SSBP2: variants seen among roughly 807,000 people sequenced by gnomAD.
SSBP2 encodes single stranded DNA binding protein 2.
In SSBP2, 17 loss-of-function variants were observed where a neutral mutation model predicts 61.8. The ratio of observed to expected loss-of-function variants is 0.28; its 90% CI spans 0.19 to 0.41. The LOEUF (loss-of-function observed/expected upper bound fraction) is 0.41. Ranked by LOEUF, SSBP2 falls within the 10% of genes least tolerant of loss-of-function variation. SSBP2 has a pLI of 1.00. For missense variants in SSBP2, 310 were observed against 458.7 expected (o/e 0.68, Z 2.96); for synonymous variants, 139 against 141.3 (o/e 0.98, Z 0.12).
chr5:81,677,962 A>G (rs1193659140), intron 1 of SSBP2, among the ~76,000 whole-genome samples: 2 of 152,156 alleles, frequency 1.3e-5, no homozygotes, highest in Admixed American at 6.6e-5. Flanking sequence ...CTAAAGGCCT[A>G]TTTACAGCAA....
intron 6 of SSBP2, among the ~76,000 whole-genome samples, chr5:81,488,704 T>TC (rs1374602843): frequency 1.7e-5 from 1 of 58,560 alleles, no homozygotes; most frequent in Non-Finnish European, 3.3e-5. Flanking sequence ...CCCTCCCCCC[T>TC]CCCCCCACCC....
chr5:81,703,355 G>A (rs932107029), intron 1 of SSBP2, among the ~76,000 whole-genome samples: 26 of 152,050 alleles, frequency 1.7e-4, no homozygotes, highest in African/African-American at 4.8e-4. Context: ...CAGAGCTCAG[G>A]CAGCCTGAGC....
chr5:81,645,912 G>C (rs1334979526), intron 2 of SSBP2, among the ~76,000 whole-genome samples: 2 of 152,098 alleles, frequency 1.3e-5, no homozygotes, highest in Non-Finnish European at 2.9e-5. Context: ...TTAGAGAAAT[G>C]TTTTTATTTC....
intron 1 of SSBP2, among the ~76,000 whole-genome samples, chr5:81,702,025 T>C (rs910822238): frequency 6.6e-6 from 1 of 152,194 alleles, no homozygotes; most frequent in African/African-American, 2.4e-5. Context: ...CAAAGTTATA[T>C]GGGACTAATA....
chr5:81,622,882 C>A (rs1027268877), intron 3 of SSBP2, among the ~76,000 whole-genome samples: 1 of 152,134 alleles, frequency 6.6e-6, no homozygotes, highest in East Asian at 1.9e-4. Flanking sequence ...CGGGGAAAAA[C>A]GTGAAAAACT....
chr5:81,665,729 T>C (rs547686879), intron 1 of SSBP2, among the ~76,000 whole-genome samples: 2 of 152,310 alleles, frequency 1.3e-5, no homozygotes, highest in Admixed American at 6.5e-5. Context: ...GGTCTTGAAC[T>C]CCTGACCTCA....
At chr5:81,451,293 T>C (rs1469408558) in intron 10 of SSBP2, among the ~76,000 whole-genome samples, 1 of 152,190 alleles carries the variant, frequency 6.6e-6, no homozygotes, top group Non-Finnish European at 1.5e-5. Flanking sequence ...CAACATTCTA[T>C]TATTTATAGA....
At chr5:81,562,462 T>C (rs1773122678) in intron 4 of SSBP2, among the ~76,000 whole-genome samples, 1 of 152,170 alleles carries the variant, frequency 6.6e-6, no homozygotes, top group Non-Finnish European at 1.5e-5. Flanking sequence ...TGCCAAATTA[T>C]TGACACTAAA....
intron 10 of SSBP2, among the ~76,000 whole-genome samples, chr5:81,457,665 A>AT (rs916075724): frequency 3.2e-4 from 47 of 146,658 alleles, no homozygotes; most frequent in Middle Eastern, 3.5e-3. Flanking sequence ...AAAACACAAA[A>AT]TTTTTTTTTT....
chr5:81,738,531 A>C (rs1756778179), intron 1 of SSBP2, among the ~76,000 whole-genome samples: 1 of 152,178 alleles, frequency 6.6e-6, no homozygotes, highest in Non-Finnish European at 1.5e-5. Context: ...GCTAGGTCTT[A>C]ATGGCATCTC....
chr5:81,455,309 C>T (rs1201928489), intron 10 of SSBP2, among the ~76,000 whole-genome samples: 1 of 152,126 alleles, frequency 6.6e-6, no homozygotes, highest in South Asian at 2.1e-4. Flanking sequence ...AAACTCTTAC[C>T]TTCTCTTTAT....
intron 4 of SSBP2, among the ~76,000 whole-genome samples, chr5:81,612,998 T>A (rs529928029): frequency 6.6e-6 from 1 of 152,204 alleles, no homozygotes; most frequent in African/African-American, 2.4e-5. Flanking sequence ...GGAAATCCTA[T>A]TCATGAAAAT....
chr5:81,741,487 T>C (rs1757021764), intron 1 of SSBP2, among the ~76,000 whole-genome samples: 1 of 152,312 alleles, frequency 6.6e-6, no homozygotes, highest in Admixed American at 6.5e-5. Flanking sequence ...TGGTAAATTT[T>C]AGGTTATATA....
chr5:81,435,380 C>G (rs1051801550), intron 15 of SSBP2, among the ~76,000 whole-genome samples: 1 of 152,090 alleles, frequency 6.6e-6, no homozygotes, highest in Admixed American at 6.6e-5. Flanking sequence ...GGACAGAGAT[C>G]GTGTTTGTTG....
At chr5:81,431,615 G>A (rs1011563311) in intron 15 of SSBP2, among the ~76,000 whole-genome samples, 1 of 151,494 alleles carries the variant, frequency 6.6e-6, no homozygotes, top group Non-Finnish European at 1.5e-5. Flanking sequence ...TTGAGACATG[G>A]TATCTGTCAC....
chr5:81,614,874 TA>T (rs957061394), intron 4 of SSBP2, among the ~76,000 whole-genome samples: 19 of 150,746 alleles, frequency 1.3e-4, no homozygotes, highest in South Asian at 4.2e-4. Context: ...GCAGTCCTTC[TA>T]AAAAAAAATG....
chr5:81,493,300 A>AGATT (rs1554074703), intron 5 of SSBP2, among the ~76,000 whole-genome samples: 24 of 144,736 alleles, frequency 1.7e-4, no homozygotes, highest in South Asian at 6.6e-4. Flanking sequence ...ATAGATAGAT[A>AGATT]GATTAACAGG....
chr5:81,574,038 G>A (rs1774025609), intron 4 of SSBP2, among the ~76,000 whole-genome samples: 1 of 152,152 alleles, frequency 6.6e-6, no homozygotes. Context: ...CTACTCGGGA[G>A]GCTGAGGCAG....
intron 13 of SSBP2, among the ~76,000 whole-genome samples, chr5:81,441,837 T>C (rs1189911205): frequency 3.3e-5 from 5 of 152,330 alleles, no homozygotes; most frequent in Non-Finnish European, 1.5e-5. Context: ...AATAATTGAC[T>C]TTAAACTTAC....
Sources: gnomAD v4.1 joint callset for allele counts (sites outside exome capture counted in the v4.1 genomes callset) on GRCh38, gnomAD v4.1.1 for gene constraint, MANE v1.5 for transcripts, NCBI Gene and HGNC (gene_info 2026-07-23, HGNC 2026-07-21) for gene names.